Variants in AGBL1 observed in about 807,000 individuals in gnomAD.
The protein encoded by AGBL1 is cytosolic carboxypeptidase 4.
Under a neutral mutation model 118.9 loss-of-function variants are expected in AGBL1, and 130 were observed. The observed-to-expected ratio is 1.09, with a 90% CI of 0.95 to 1.26. AGBL1 has a LOEUF of 1.26. AGBL1 is among the 50% of genes most tolerant of loss of function. The pLI is 0.00. For missense variants in AGBL1, 1,584 were observed against 1,298.1 expected, an observed-to-expected ratio of 1.22 and a Z score of -3.38; for synonymous variants, 555 against 478.9, an observed-to-expected ratio of 1.16 and a Z score of -2.08.
intron 5 of AGBL1, among the ~76,000 whole-genome samples, chr15:86,161,230 A>G (rs2077263311): frequency 6.6e-6 from 1 of 152,192 alleles, no homozygotes; most frequent in African/African-American, 2.4e-5. Flanking sequence ...CAAATGCCAT[A>G]TTAAAACCAA....
chr15:86,516,942 G>A (rs775304772), intron 18 of AGBL1, among the ~76,000 whole-genome samples: 10 of 152,152 alleles, frequency 6.6e-5, no homozygotes, highest in Non-Finnish European at 8.8e-5. Context: ...TGTCCTGGTC[G>A]TGTGATCTTT....
intron 17 of AGBL1, among the ~76,000 whole-genome samples, chr15:86,312,857 A>G (rs1175297106): frequency 1.3e-5 from 2 of 152,238 alleles, no homozygotes; most frequent in Non-Finnish European, 2.9e-5. Context: ...CCCCTCAGGC[A>G]GGATCATTGG....
intron 22 of AGBL1, among the ~76,000 whole-genome samples, chr15:86,739,981 C>G (rs901080726): frequency 1.3e-5 from 2 of 152,192 alleles, no homozygotes; most frequent in African/African-American, 4.8e-5. Context: ...CCCCTTTCAC[C>G]TTTAAAGCCT....
chr15:86,547,807 A>G lies in AGBL1; in HGVS notation c.2817+1674A>G, dbSNP rs371542536. ...GTGAAATTAGGAAGTTAAATTTTCTACATAGTTTATTACATCAAGTTTGTT... is the reference window on the plus strand; with the variant it reads ...GTGAAATTAGGAAGTTAAATTTTCTGCATAGTTTATTACATCAAGTTTGTT... On this transcript the variant is annotated intron_variant, in intron 20 of 22. Transcript: ENST00000614907. Among the ~76,000 whole-genome samples, 22 of 152,254 alleles carry G rather than the reference A, an allele frequency of 1.4e-4. No individual in the cohort carries two copies. The East Asian group carries it at 4.3e-3, about 29-fold the overall frequency.
intron 21 of AGBL1, among the ~76,000 whole-genome samples, chr15:86,614,098 T>C (rs1042801660): frequency 7.2e-5 from 11 of 152,294 alleles, no homozygotes; most frequent in Non-Finnish European, 1.5e-4. Flanking sequence ...CTCTGGATAA[T>C]AGAAGATTCT....
intron 1 of AGBL1, chr15:86,138,396 A>C (rs796428744): frequency 5.9e-5 from 9 of 152,354 alleles, no homozygotes; most frequent in African/African-American, 2.2e-4. Context: ...GTTTCTTTCC[A>C]GGATTCTCTC....
At chr15:86,335,160 C>T (rs534342359) in intron 17 of AGBL1, among the ~76,000 whole-genome samples, 58 of 149,580 alleles carry the variant, frequency 3.9e-4, no homozygotes, top group African/African-American at 1.2e-3. Flanking sequence ...TTTTTTGAGA[C>T]GGAGTTTCGC....
At chr15:86,428,915 C>T (rs778805497) in intron 18 of AGBL1, among the ~76,000 whole-genome samples, 30 of 152,174 alleles carry the variant, frequency 2.0e-4, no homozygotes, top group Non-Finnish European at 3.7e-4. Context: ...GTTTATGTCC[C>T]AGAAGTTCCT....
intron 5 of AGBL1, among the ~76,000 whole-genome samples, chr15:86,210,372 G>A (rs1387110961): frequency 2.6e-5 from 4 of 152,128 alleles, no homozygotes; most frequent in Non-Finnish European, 5.9e-5. Context: ...CCCTTGCTAG[G>A]TTGGGGAAAT....
chr15:86,772,707 A>G (rs1056024566), intron 22 of AGBL1, among the ~76,000 whole-genome samples: 9 of 152,092 alleles, frequency 5.9e-5, no homozygotes, highest in African/African-American at 1.9e-4. Flanking sequence ...GGAGGAAATC[A>G]AGGAGGTCAT....
chr15:86,475,059 C>A (rs185396406), intron 18 of AGBL1, among the ~76,000 whole-genome samples: 1 of 152,040 alleles, frequency 6.6e-6, no homozygotes, highest in Non-Finnish European at 1.5e-5. Context: ...ACATCTACAC[C>A]AAAACCCCAT....
At chr15:86,137,836 C>T (rs934231189) in intron 1 of AGBL1, among the ~76,000 whole-genome samples, 14 of 152,204 alleles carry the variant, frequency 9.2e-5, no homozygotes, top group Middle Eastern at 3.4e-3. Flanking sequence ...GAGGCAGCTC[C>T]GGAGGAATGA....
intron 18 of AGBL1, among the ~76,000 whole-genome samples, chr15:86,489,024 T>C (rs1306358198): frequency 6.6e-6 from 1 of 152,106 alleles, no homozygotes; most frequent in Non-Finnish European, 1.5e-5. Flanking sequence ...CCTGAGGTAC[T>C]GATCTTTAGC....
intron 22 of AGBL1, among the ~76,000 whole-genome samples, chr15:86,793,611 T>C (rs1009046850): frequency 5.9e-5 from 9 of 152,170 alleles, no homozygotes; most frequent in African/African-American, 1.9e-4. Flanking sequence ...AGAAAACAGA[T>C]AACTTGGACT....
intron 22 of AGBL1, among the ~76,000 whole-genome samples, chr15:86,764,052 G>A (rs937021361): frequency 6.6e-6 from 1 of 151,970 alleles, no homozygotes; most frequent in African/African-American, 2.4e-5. Context: ...TTGGGTAGAA[G>A]TGAAAGAACT....
intron 22 of AGBL1, among the ~76,000 whole-genome samples, chr15:86,871,162 T>C (rs541773381): frequency 6.6e-6 from 1 of 152,316 alleles, no homozygotes; most frequent in South Asian, 2.1e-4. Context: ...TTGCTTCCTT[T>C]CTTCCTCATG....
chr15:86,691,280 C>A (rs2086165399), intron 22 of AGBL1, among the ~76,000 whole-genome samples: 2 of 152,236 alleles, frequency 1.3e-5, no homozygotes, highest in Admixed American at 1.3e-4. Flanking sequence ...TAGCAAACTG[C>A]AGGGGGCAAG....
At chr15:86,261,008 A>C (rs2078973402) in intron 9 of AGBL1, among the ~76,000 whole-genome samples, 1 of 152,178 alleles carries the variant, frequency 6.6e-6, no homozygotes, top group Non-Finnish European at 1.5e-5. Context: ...ACAACTATTA[A>C]ACTTTGCTGT....
At chr15:86,895,039 C>T (rs2080102691) in intron 22 of AGBL1, among the ~76,000 whole-genome samples, 1 of 133,898 alleles carries the variant, frequency 7.5e-6, no homozygotes, top group Admixed American at 7.9e-5. Flanking sequence ...CATATCCATC[C>T]CCTTTTGTTC....
Sources: gnomAD v4.1 joint callset for allele counts (sites outside exome capture counted in the v4.1 genomes callset) on GRCh38, gnomAD v4.1.1 for gene constraint, MANE v1.5 for transcripts, NCBI Gene and HGNC (gene_info 2026-07-23, HGNC 2026-07-21) for gene names.